ADAMTS6: variants seen among roughly 807,000 people sequenced by gnomAD.
ADAMTS6 encodes ADAM metallopeptidase with thrombospondin type 1 motif 6, also known as A disintegrin and metalloproteinase with thrombospondin motifs 6.
A neutral mutation model predicts 144.3 loss-of-function variants in ADAMTS6; 23 were observed. The observed-to-expected ratio is 0.16, with a 90% confidence interval of 0.11 to 0.23. ADAMTS6 has a LOEUF of 0.23. Among genes scored for constraint, ADAMTS6 ranks in the 10% least tolerant of loss-of-function variants. The probability of loss-of-function intolerance (pLI) is 1.00; values close to 1 mark genes in which losing one functional copy is unlikely to be tolerated. For synonymous variants in ADAMTS6, 444 were observed against 457.5 expected (o/e 0.97, Z 0.38); for missense variants, 999 against 1,379.6 (o/e 0.72, Z 4.37).
intron 9 of ADAMTS6, among the ~76,000 whole-genome samples, chr5:65,312,552 T>C (rs1019453679): frequency 2.6e-5 from 4 of 152,082 alleles, no homozygotes; most frequent in Admixed American, 2.0e-4. Context: ...GAACTTTATA[T>C]GCAATCTACT....
intron 7 of ADAMTS6, among the ~76,000 whole-genome samples, chr5:65,425,412 C>A (rs1756428869): frequency 6.6e-6 from 1 of 152,172 alleles, no homozygotes; most frequent in Admixed American, 6.5e-5. Context: ...CCTACCATCA[C>A]TCTCATATTC....
chr5:65,345,590 C>T (rs988711777), intron 7 of ADAMTS6, among the ~76,000 whole-genome samples: 3 of 151,832 alleles, frequency 2.0e-5, no homozygotes, highest in African/African-American at 4.8e-5. Flanking sequence ...AATCTCTCAA[C>T]TTAGAAAATT....
chr5:65,253,656 G>C (rs1371666264), intron 14 of ADAMTS6, among the ~76,000 whole-genome samples: 1 of 151,738 alleles, frequency 6.6e-6, no homozygotes, highest in Non-Finnish European at 1.5e-5. Context: ...CAGACACCTG[G>C]GCATCACTGG....
intron 7 of ADAMTS6, among the ~76,000 whole-genome samples, chr5:65,375,393 T>G (rs1435795622): frequency 6.6e-6 from 1 of 151,226 alleles, no homozygotes; most frequent in African/African-American, 2.4e-5. Context: ...GAATCTACAA[T>G]GAACTCAAAC....
intron 15 of ADAMTS6, among the ~76,000 whole-genome samples, chr5:65,227,628 A>G (rs1421627688): frequency 2.0e-5 from 3 of 152,210 alleles, no homozygotes; most frequent in Admixed American, 1.3e-4. Context: ...GGTTGACGGT[A>G]AGCAAAGAAA....
chr5:65,288,401 C>T (rs1473763269), intron 11 of ADAMTS6, among the ~76,000 whole-genome samples: 1 of 151,636 alleles, frequency 6.6e-6, no homozygotes, highest in Non-Finnish European at 1.5e-5. Context: ...CTCACTGCAA[C>T]CTCCGCTTCC....
At chr5:65,202,038 C>T (rs1461879228) in intron 20 of ADAMTS6, among the ~76,000 whole-genome samples, 1 of 152,228 alleles carries the variant, frequency 6.6e-6, no homozygotes, top group African/African-American at 2.4e-5. Flanking sequence ...GTTGGCCAGA[C>T]ACAAGCATTT....
At chr5:65,389,641 T>G (rs1752750401) in intron 7 of ADAMTS6, among the ~76,000 whole-genome samples, 1 of 151,556 alleles carries the variant, frequency 6.6e-6, no homozygotes, top group Non-Finnish European at 1.5e-5. Context: ...CAAAGCCAGC[T>G]GTTAGTAAAA....
At chr5:65,232,340 A>T (rs1758313053) in intron 15 of ADAMTS6, among the ~76,000 whole-genome samples, 1 of 152,176 alleles carries the variant, frequency 6.6e-6, no homozygotes, top group African/African-American at 2.4e-5. Flanking sequence ...CCAAAGTTAG[A>T]AGAAGGAAGG....
At chr5:65,302,294 T>C (rs1034453244) in intron 9 of ADAMTS6, among the ~76,000 whole-genome samples, 36 of 144,648 alleles carry the variant, frequency 2.5e-4, no homozygotes, top group Non-Finnish European at 4.4e-4. Flanking sequence ...AATATTAATA[T>C]ATAATATATA....
chr5:65,316,853 G>A (rs752662419), intron 9 of ADAMTS6, among the ~76,000 whole-genome samples: 12 of 151,812 alleles, frequency 7.9e-5, no homozygotes, highest in Non-Finnish European at 1.5e-4. Context: ...CCAGGCTGGA[G>A]TGCAATATCG....
At chr5:65,419,766 A>G (rs200483601) in intron 7 of ADAMTS6, among the ~76,000 whole-genome samples, 2 of 152,228 alleles carry the variant, frequency 1.3e-5, no homozygotes, top group South Asian at 2.1e-4. Flanking sequence ...GGTTCCATTT[A>G]AAGGAAATGT....
At chr5:65,461,075 T>A (rs1759611073) in intron 3 of ADAMTS6, among the ~76,000 whole-genome samples, 1 of 152,212 alleles carries the variant, frequency 6.6e-6, no homozygotes, top group African/African-American at 2.4e-5. Flanking sequence ...GTGAGGGTAC[T>A]GGAATTCAAA....
intron 7 of ADAMTS6, among the ~76,000 whole-genome samples, chr5:65,395,079 G>C (rs1050904685): frequency 6.6e-6 from 1 of 151,970 alleles, no homozygotes; most frequent in Admixed American, 6.6e-5. Flanking sequence ...CCTGATTTGG[G>C]AGCCAAGATC....
intron 23 of ADAMTS6, among the ~76,000 whole-genome samples, chr5:65,171,548 A>G (rs1011778419): frequency 2.6e-5 from 4 of 152,214 alleles, no homozygotes; most frequent in African/African-American, 7.2e-5. Flanking sequence ...GAAGTAGAAT[A>G]ATGAGAGATT....
At chr5:65,164,071 C>T (rs1038263916) in intron 24 of ADAMTS6, among the ~76,000 whole-genome samples, 10 of 152,122 alleles carry the variant, frequency 6.6e-5, no homozygotes, top group African/African-American at 2.4e-4. Flanking sequence ...CAGCTCCCAG[C>T]GTGAGCGACG....
chr5:65,286,144 C>G (rs1763347125), intron 11 of ADAMTS6, among the ~76,000 whole-genome samples: 1 of 152,104 alleles, frequency 6.6e-6, no homozygotes, highest in Non-Finnish European at 1.5e-5. Context: ...ATGTCATGTG[C>G]CAGGTAAATA....
chr5:65,342,685 C>CT (rs1468837238), intron 7 of ADAMTS6, among the ~76,000 whole-genome samples: 2 of 152,054 alleles, frequency 1.3e-5, no homozygotes, highest in African/African-American at 4.8e-5. Flanking sequence ...CAACATAGTA[C>CT]TAGAAGTCCT....
intron 9 of ADAMTS6, among the ~76,000 whole-genome samples, chr5:65,302,364 T>C (rs964331883): frequency 3.4e-5 from 5 of 146,502 alleles, no homozygotes; most frequent in Non-Finnish European, 7.5e-5. Flanking sequence ...TTATATGTTA[T>C]ATGTAAATAT....
Sources: gnomAD v4.1 joint callset for allele counts (sites outside exome capture counted in the v4.1 genomes callset) on GRCh38, gnomAD v4.1.1 for gene constraint, MANE v1.5 for transcripts, NCBI Gene and HGNC (gene_info 2026-07-23, HGNC 2026-07-21) for gene names.